Variants in NXPH1 observed in about 807,000 individuals in gnomAD.
NXPH1 encodes the protein neurexophilin 1.
NXPH1 carries 5 observed loss-of-function variants against 23.7 expected under a neutral mutation model. The observed-to-expected ratio is 0.21, with a 90% CI of 0.11 to 0.44. The LOEUF (loss-of-function observed/expected upper bound fraction) is 0.44, where lower values mean the gene tolerates loss of function less well. Ranked by LOEUF, NXPH1 falls within the 20% of genes least tolerant of loss-of-function variation. The probability of loss-of-function intolerance (pLI) is 0.99; values close to 1 mark genes in which losing one functional copy is unlikely to be tolerated. For missense variants in NXPH1, 324 were observed against 321.6 expected (o/e 1.01, Z -0.06); for synonymous variants, 144 against 122.2 (o/e 1.18, Z -1.18).
chr7:8,729,896 G>GTTGAC (rs1737397008), intron 2 of NXPH1, among the ~76,000 whole-genome samples: 1 of 147,924 alleles, frequency 6.8e-6, no homozygotes, highest in African/African-American at 2.5e-5. Flanking sequence ...GGGTATCCTT[G>GTTGAC]TTGACTTTCT....
At chr7:8,692,326 GA>G (rs1467791702) in intron 2 of NXPH1, among the ~76,000 whole-genome samples, 1 of 152,148 alleles carries the variant, frequency 6.6e-6, no homozygotes, top group Non-Finnish European at 1.5e-5. Context: ...GAAGATTATT[GA>G]AAAGCTATTG....
At chr7:8,621,053 T>A (rs1331774427) in intron 2 of NXPH1, among the ~76,000 whole-genome samples, 1 of 152,196 alleles carries the variant, frequency 6.6e-6, no homozygotes, top group Non-Finnish European at 1.5e-5. Flanking sequence ...GAAGAAGACA[T>A]CATCTTTGCT....
intron 2 of NXPH1, among the ~76,000 whole-genome samples, chr7:8,445,062 T>C (rs1341016699): frequency 6.6e-6 from 1 of 152,220 alleles, no homozygotes; most frequent in Non-Finnish European, 1.5e-5. Context: ...GCTTTGTAAT[T>C]AAACTCTGTG....
intron 2 of NXPH1, among the ~76,000 whole-genome samples, chr7:8,546,100 G>C (rs1014948815): frequency 5.9e-5 from 9 of 151,404 alleles, no homozygotes; most frequent in Non-Finnish European, 1.0e-4. Flanking sequence ...GTGTAAAGCT[G>C]AAACCTCTTT....
chr7:8,740,680 A>G (rs959072823), intron 2 of NXPH1, among the ~76,000 whole-genome samples: 13 of 151,658 alleles, frequency 8.6e-5, no homozygotes, highest in African/African-American at 3.1e-4. Context: ...GAAGGAAATG[A>G]TGTACCTTTT....
intron 2 of NXPH1, among the ~76,000 whole-genome samples, chr7:8,702,656 CTTATAA>C (rs1002536386): frequency 3.9e-5 from 6 of 152,210 alleles, no homozygotes; most frequent in South Asian, 4.1e-4. Flanking sequence ...GTGAGACAAA[CTTATAA>C]TTATATAGTT....
At chr7:8,543,501 A>G (rs564194797) in intron 2 of NXPH1, among the ~76,000 whole-genome samples, 8 of 151,726 alleles carry the variant, frequency 5.3e-5, no homozygotes, top group South Asian at 2.1e-4. Flanking sequence ...GATTGTAACA[A>G]TGCAGATTTG....
chr7:8,498,759 A>G (rs78723043), intron 2 of NXPH1, among the ~76,000 whole-genome samples: 1 of 152,036 alleles, frequency 6.6e-6, no homozygotes, highest in South Asian at 2.1e-4. Flanking sequence ...GTCCTAGGGG[A>G]AATATCTAAT....
At chr7:8,601,001 A>G (rs1819346512) in intron 2 of NXPH1, among the ~76,000 whole-genome samples, 1 of 152,014 alleles carries the variant, frequency 6.6e-6, no homozygotes, top group Non-Finnish European at 1.5e-5. Flanking sequence ...ATTAGGTATT[A>G]TAAGTAACAT....
At chr7:8,553,338 ATT>A (rs200120951) in intron 2 of NXPH1, among the ~76,000 whole-genome samples, 45,809 of 142,388 alleles carry the variant, frequency 0.32, 7,738 homozygotes, top group East Asian at 0.52. Context: ...GGTGGTGGGC[ATT>A]TTTTTTTTTT....
intron 2 of NXPH1, among the ~76,000 whole-genome samples, chr7:8,655,630 G>C (rs1820569673): frequency 6.6e-6 from 1 of 151,872 alleles, no homozygotes; most frequent in Admixed American, 6.6e-5. Context: ...TCTCATATAT[G>C]ATTATTGTTG....
At chr7:8,555,970 G>A (rs1818350573) in intron 2 of NXPH1, among the ~76,000 whole-genome samples, 1 of 151,490 alleles carries the variant, frequency 6.6e-6, no homozygotes, top group African/African-American at 2.4e-5. Flanking sequence ...TTTGCACTGG[G>A]GTTAAATATT....
intron 2 of NXPH1, among the ~76,000 whole-genome samples, chr7:8,545,087 A>G (rs111674058): frequency 0.013 from 2,015 of 151,646 alleles, 45 homozygotes; most frequent in African/African-American, 0.047. Context: ...GCAACATGTT[A>G]TCAAGCAGCT....
In NXPH1 at chr7:8,435,376, G is replaced by A. The variant is rs12702750; in HGVS notation, c.-110-228G>A. 0.07 allele frequency: 28,642 copies of A among 411,514 alleles called. 1,198 individuals carry two copies. Among genetic ancestry groups the A allele is most frequent in the South Asian group, 0.12 (4,828 of 39,214 alleles). The allele number at this position is 411,514 out of a possible 1,614,324, so 25.5% of individuals were successfully genotyped here. The stretch of plus-strand genomic sequence containing the variant: ...AACTCGCACCCGAGGAGCGCAGGGG[G>A]CAAGGAGCCCCTCACCCTCCCTCTC... On this transcript the variant is annotated intron_variant, in intron 1 of 2. Coordinates refer to ENST00000405863, the MANE Select transcript of NXPH1 (RefSeq NM_152745.3). The surrounding 1 kb of genome is among the most constrained non-coding windows in gnomAD (Gnocchi z 5.9).
At chr7:8,674,724 G>A (rs1459657980) in intron 2 of NXPH1, among the ~76,000 whole-genome samples, 1 of 152,152 alleles carries the variant, frequency 6.6e-6, no homozygotes, top group East Asian at 1.9e-4. Flanking sequence ...TAATGAAGCA[G>A]GTTCTTGACA....
At chr7:8,675,775 G>A (rs1820942765) in intron 2 of NXPH1, among the ~76,000 whole-genome samples, 1 of 152,136 alleles carries the variant, frequency 6.6e-6, no homozygotes, top group Admixed American at 6.6e-5. Flanking sequence ...GATAACACAT[G>A]GAAAGATATG....
chr7:8,671,839 C>A (rs1328498531), intron 2 of NXPH1, among the ~76,000 whole-genome samples: 3 of 152,206 alleles, frequency 2.0e-5, no homozygotes, highest in African/African-American at 7.2e-5. Context: ...TTGAATTTCT[C>A]TGATGGCTAG....
chr7:8,565,213 G>C (rs147336565), intron 2 of NXPH1, among the ~76,000 whole-genome samples: 1,732 of 151,816 alleles, frequency 0.011, 26 homozygotes, highest in African/African-American at 0.038. Flanking sequence ...CTGTCACTCT[G>C]GGTGGGTCCT....
At chr7:8,576,085 C>G (rs1331100924) in intron 2 of NXPH1, among the ~76,000 whole-genome samples, 1 of 152,168 alleles carries the variant, frequency 6.6e-6, no homozygotes. Context: ...ATTCTAGCCA[C>G]TGATAACAAC....
Sources: gnomAD v4.1 joint callset for allele counts (sites outside exome capture counted in the v4.1 genomes callset) on GRCh38, gnomAD v4.1.1 for gene constraint, Gnocchi (gnomAD v3.1) non-coding constraint, MANE v1.5 for transcripts, NCBI Gene and HGNC (gene_info 2026-07-23, HGNC 2026-07-21) for gene names.